HIGD1A: variants seen among roughly 807,000 people sequenced by gnomAD.
The protein encoded by HIGD1A is HIG1 hypoxia inducible domain family member 1A, also known as HIG1 domain family member 1A, mitochondrial.
A neutral mutation model predicts 11.3 loss-of-function variants in HIGD1A; 8 were observed. The observed-to-expected ratio is 0.71, with a 90% CI of 0.42 to 1.28. The LOEUF (loss-of-function observed/expected upper bound fraction) is 1.28. HIGD1A is among the 50% of genes most tolerant of loss of function. The pLI is 0.01. For missense variants in HIGD1A, 107 were observed against 118.8 expected (o/e 0.90, Z 0.46); for synonymous variants, 32 against 38.4 (o/e 0.83, Z 0.62).
At chr3:42,789,428 G>A (rs1245463982) in intron 2 of HIGD1A, among the ~76,000 whole-genome samples, 1 of 151,862 alleles carries the variant, frequency 6.6e-6, no homozygotes, top group Non-Finnish European at 1.5e-5. Context: ...CACTTTGGGA[G>A]GCTGAGGTAG....
At chr3:42,791,915 T>C (rs1036332902) in intron 2 of HIGD1A, among the ~76,000 whole-genome samples, 6 of 152,230 alleles carry the variant, frequency 3.9e-5, no homozygotes, top group Non-Finnish European at 1.5e-5. Flanking sequence ...CAAAAAATTT[T>C]ATAGATCACT....
At chr3:42,800,310 C>T (rs1281402958) in intron 1 of HIGD1A, among the ~76,000 whole-genome samples, 1 of 151,062 alleles carries the variant, frequency 6.6e-6, no homozygotes, top group African/African-American at 2.4e-5. Context: ...GCCTGGGCCA[C>T]AGAGAGACTC....
chr3:42,783,042 C>T lies in HIGD1A; in HGVS notation c.*2229G>A, dbSNP rs1440478851. On this transcript the variant is annotated 3_prime_UTR_variant, in exon 4 of 4. Transcript: ENST00000321331. ...TGGCAAAAATTTAGGGAAATTGTTCCATGAGTCTTTTTTAAGGAAACTATT... is the reference window on the plus strand; with the variant it reads ...TGGCAAAAATTTAGGGAAATTGTTCTATGAGTCTTTTTTAAGGAAACTATT... Among the ~76,000 whole-genome samples the T allele has an allele frequency of 6.6e-6, 1 of 152,134 alleles. No individual in the cohort carries two copies. The highest frequency in any genetic ancestry group is 1.5e-5 in the Non-Finnish European group (1 of 68,036).
intron 1 of HIGD1A, among the ~76,000 whole-genome samples, chr3:42,803,628 G>C (rs1232289062): frequency 1.3e-5 from 2 of 152,192 alleles, no homozygotes; most frequent in Non-Finnish European, 2.9e-5. Context: ...AAGTGCCTTT[G>C]TACTTCCGGA....
At chr3:42,804,071 T>C in intron 1 of HIGD1A, 1 of 1,265,566 alleles carries the variant, frequency 7.9e-7, no homozygotes, top group South Asian at 1.3e-5. Flanking sequence ...CCGGGGAAGC[T>C]CCCGCTCCTC....
chr3:42,802,005 G>A (rs1700571051), intron 1 of HIGD1A, among the ~76,000 whole-genome samples: 1 of 152,132 alleles, frequency 6.6e-6, no homozygotes, highest in Admixed American at 6.5e-5. Flanking sequence ...ACTCCAGCCG[G>A]GGCAACAGGC....
intron 2 of HIGD1A, among the ~76,000 whole-genome samples, chr3:42,791,790 T>G (rs938968111): frequency 6.6e-6 from 1 of 152,204 alleles, no homozygotes; most frequent in African/African-American, 2.4e-5. Context: ...TTTCTGCGTA[T>G]TTCATAATGA....
intron 1 of HIGD1A, among the ~76,000 whole-genome samples, chr3:42,803,083 C>T (rs758065154): frequency 6.6e-6 from 1 of 152,174 alleles, no homozygotes; most frequent in Non-Finnish European, 1.5e-5. Context: ...CCTTCATTAT[C>T]GTTTTCTCAT....
intron 2 of HIGD1A, among the ~76,000 whole-genome samples, chr3:42,793,620 A>C (rs188607847): frequency 6.6e-6 from 1 of 152,310 alleles, no homozygotes; most frequent in East Asian, 1.9e-4. Flanking sequence ...CAATCATCTA[A>C]CCTGAGGATG....
At chr3:42,794,363 C>A in intron 1 of HIGD1A, 88 bp from the exon 2 acceptor site, 2 of 1,222,216 alleles carry the variant, frequency 1.6e-6, no homozygotes, top group South Asian at 1.7e-5. Flanking sequence ...TCCTAACTTC[C>A]ATGAGAATCT....
chr3:42,801,400 T>C (rs1030066075), intron 1 of HIGD1A, among the ~76,000 whole-genome samples: 1 of 152,218 alleles, frequency 6.6e-6, no homozygotes, highest in Non-Finnish European at 1.5e-5. Context: ...TAAGCACCAG[T>C]TTGTCTGTTT....
At chr3:42,792,506 T>C (rs922731285) in intron 2 of HIGD1A, among the ~76,000 whole-genome samples, 1 of 149,960 alleles carries the variant, frequency 6.7e-6, no homozygotes, top group African/African-American at 2.5e-5. Flanking sequence ...ACCCTGTCTC[T>C]ACTAAAAGAT....
At position 42,794,264 on chromosome 3, in the gene HIGD1A, T is replaced by C; in HGVS notation, c.-11A>G. On this transcript the variant is annotated 5_prime_UTR_variant, in exon 2 of 4. Coordinates refer to ENST00000321331, the MANE Select transcript of HIGD1A (RefSeq NM_014056.4). Reference sequence around the variant, plus strand: ...TGTGTCTGTTGACATAGTGATTGCTTGAAGAATCTCCCTGAGAAAGAATTT... The same window carrying C: ...TGTGTCTGTTGACATAGTGATTGCTCGAAGAATCTCCCTGAGAAAGAATTT... The C allele has an allele frequency of 3.2e-6, 5 of 1,578,614 alleles. No individual in the cohort carries two copies. The highest frequency in any genetic ancestry group is 4.3e-6 in the Non-Finnish European group (5 of 1,168,810).
chr3:42,789,980 G>A (rs148629337), intron 2 of HIGD1A, among the ~76,000 whole-genome samples: 9 of 151,872 alleles, frequency 5.9e-5, no homozygotes, highest in African/African-American at 9.7e-5. Context: ...CCTCAGCCCC[G>A]CAAAGCACTG....
At chr3:42,791,127 G>A (rs1301415271) in intron 2 of HIGD1A, among the ~76,000 whole-genome samples, 1 of 152,164 alleles carries the variant, frequency 6.6e-6, no homozygotes, top group African/African-American at 2.4e-5. Context: ...ATATGACATA[G>A]TTCACATTTC....
chr3:42,786,322 C>T (rs920515000), intron 2 of HIGD1A, among the ~76,000 whole-genome samples, 160 bp from the exon 3 acceptor site: 5 of 152,026 alleles, frequency 3.3e-5, no homozygotes, highest in Admixed American at 6.6e-5. Context: ...CCTATCAAAA[C>T]CAAAAATCTT....
At chr3:42,802,031 G>C (rs1700571319) in intron 1 of HIGD1A, among the ~76,000 whole-genome samples, 1 of 151,970 alleles carries the variant, frequency 6.6e-6, no homozygotes, top group African/African-American at 2.4e-5. Flanking sequence ...CCTTGCTGAG[G>C]GACCCAACAA....
rs1173583038 is a variant in HIGD1A at position 42,804,248 on chromosome 3, T to C, written c.-23+188A>G. 1.5e-5 allele frequency: 24 copies of C among 1,584,344 alleles called. 1 individual carries two copies. In the Admixed American group the frequency reaches 4.1e-4, roughly 27 times the overall value. On this transcript the variant is annotated intron_variant, in intron 1 of 3. Transcript: ENST00000321331. ...AGGACCCTAGGCCTCGGCTCCCGAC[T>C]CCTCTCATCCGCCCATGCTCGAGGC...
At chr3:42,796,251 A>G (rs562784619) in intron 1 of HIGD1A, among the ~76,000 whole-genome samples, 22 of 152,202 alleles carry the variant, frequency 1.4e-4, no homozygotes, top group Non-Finnish European at 2.9e-4. Context: ...GCTAAATAAA[A>G]GAAAATTTAG....
Sources: gnomAD v4.1 joint callset for allele counts (sites outside exome capture counted in the v4.1 genomes callset) on GRCh38, gnomAD v4.1.1 for gene constraint, MANE v1.5 for transcripts, NCBI Gene and HGNC (gene_info 2026-07-23, HGNC 2026-07-21) for gene names.